The following TTC34 variants were observed in gnomAD, a reference collection of about 807,000 sequenced individuals.
The protein encoded by TTC34 is tetratricopeptide repeat protein 34.
TTC34 carries 44 observed loss-of-function variants against 40.7 expected under a neutral mutation model. The observed-to-expected ratio is 1.08, with a 90% CI of 0.85 to 1.39. The LOEUF is 1.39. Ranked by LOEUF, TTC34 falls within the 40% of genes most tolerant of loss-of-function variation. The pLI is 0.00. For missense variants in TTC34, 884 were observed against 838.0 expected (o/e 1.05, Z -0.68); for synonymous variants, 422 against 398.6 (o/e 1.06, Z -0.70).
intron 6 of TTC34, among the ~76,000 whole-genome samples, chr1:2,753,076 C>A (rs1641378523): frequency 1.3e-5 from 2 of 149,270 alleles, no homozygotes; most frequent in Admixed American, 6.7e-5. Context: ...CATCTGACAG[C>A]CTGGAACGGC....
At chr1:2,688,358 C>A (rs542619445) in intron 6 of TTC34, among the ~76,000 whole-genome samples, 3 of 149,564 alleles carry the variant, frequency 2.0e-5, no homozygotes, top group Non-Finnish European at 3.0e-5. Context: ...CAGCCTGGAG[C>A]AGCACCCACA....
At chr1:2,694,970 C>T (rs1209185310) in intron 6 of TTC34, among the ~76,000 whole-genome samples, 21 of 126,820 alleles carry the variant, frequency 1.7e-4, no homozygotes, top group Admixed American at 6.5e-4. Context: ...GAGCATCTGA[C>T]AGCCTGGAGC....
intron 6 of TTC34, among the ~76,000 whole-genome samples, chr1:2,683,154 C>A (rs1416259016): frequency 1.4e-5 from 2 of 139,064 alleles, no homozygotes; most frequent in South Asian, 2.3e-4. Context: ...CGCACAGCCC[C>A]AGGAGAGCAT....
At chr1:2,785,896 G>A (rs1250430165) in exon 5 of TTC34, 41 of 1,538,122 alleles carry the variant, frequency 2.7e-5, no homozygotes, top group Non-Finnish European at 3.4e-5. Flanking sequence ...GCCTGGCCGT[G>A]CCCGCAGGAT....
exon 3 of TTC34, chr1:2,789,604 C>T: frequency 7.2e-7 from 1 of 1,395,458 alleles, no homozygotes; most frequent in East Asian, 3.1e-5. Context: ...CACGGGCCTC[C>T]TCCCGCAGCA....
chr1:2,764,382 C>A (rs1336033777), intron 6 of TTC34, among the ~76,000 whole-genome samples: 6 of 144,724 alleles, frequency 4.1e-5, no homozygotes, highest in African/African-American at 1.3e-4. Flanking sequence ...GTGCCCACAC[C>A]CCCGGGCGAG....
chr1:2,761,290 G>A (rs1197636377), intron 6 of TTC34, among the ~76,000 whole-genome samples: 1 of 75,114 alleles, frequency 1.3e-5, no homozygotes, highest in Non-Finnish European at 2.3e-5. Flanking sequence ...ACTCCCGCAG[G>A]TGAGCATCCG....
At chr1:2,685,991 C>T (rs1288202259) in intron 6 of TTC34, among the ~76,000 whole-genome samples, 1 of 113,272 alleles carries the variant, frequency 8.8e-6, no homozygotes, top group African/African-American at 3.7e-5. Flanking sequence ...CATGTATCAG[C>T]ACCCACACCC....
intron 7 of TTC34, among the ~76,000 whole-genome samples, 191 bp from the exon 8 acceptor site, chr1:2,644,669 G>T (rs1323661751): frequency 1.3e-5 from 2 of 152,184 alleles, no homozygotes; most frequent in Non-Finnish European, 2.9e-5. Context: ...ACTCACCTCT[G>T]ACCCCACTCC....
At chr1:2,642,847 C>G (rs1487461004) in intron 8 of TTC34, among the ~76,000 whole-genome samples, 16 of 152,200 alleles carry the variant, frequency 1.1e-4, no homozygotes, top group Admixed American at 1.0e-3. Context: ...GGGGGTCCCA[C>G]GGCCCCGGCT....
intron 6 of TTC34, among the ~76,000 whole-genome samples, chr1:2,651,682 C>A (rs554993287): frequency 5.8e-4 from 88 of 152,136 alleles, no homozygotes; most frequent in African/African-American, 2.0e-3. Context: ...CCCCCACACC[C>A]AGGTGAGCAT....
rs147185205 is a variant in TTC34, at chr1:2,787,689, T to C, written c.1646A>G (p.His549Arg). The change falls in exon 4 of 9, where the codon CAC becomes CGC. Residue 549 changes from histidine (H) to arginine (R), a missense_variant. Coordinates refer to ENST00000401095, the Ensembl canonical transcript of TTC34. ...CTCCATCAGCAGTGTGGCCAGCTGG[T>C]GCACGCCGCAGGCGACCCTGTGTGG... 1,589 of 1,546,056 alleles carry C rather than the reference T, an allele frequency of 1.0e-3. 30 individuals carry two copies. The East Asian group carries it at 0.031, about 30-fold the overall frequency.
chr1:2,653,599 GCACCCTA>G (rs1639228500), intron 6 of TTC34, among the ~76,000 whole-genome samples: 1 of 63,776 alleles, frequency 1.6e-5, no homozygotes, highest in African/African-American at 5.8e-5. Flanking sequence ...TCGTGGAGCA[GCACCCTA>G]CACCCACAAG....
At chr1:2,777,069 T>A (rs1237229207) in intron 6 of TTC34, among the ~76,000 whole-genome samples, 1 of 14,600 alleles carries the variant, frequency 6.8e-5, no homozygotes, top group African/African-American at 3.3e-4. Flanking sequence ...GCATCTGACA[T>A]CCTGGAACAG....
At chr1:2,779,795 A>G (rs144310741) in intron 6 of TTC34, among the ~76,000 whole-genome samples, 2,493 of 152,216 alleles carry the variant, frequency 0.016, 28 homozygotes, top group Admixed American at 0.025. Context: ...GGTGTGAGGC[A>G]TATCTCGTTG....
chr1:2,660,760 G>A (rs1203377315), intron 6 of TTC34, among the ~76,000 whole-genome samples: 1 of 132,764 alleles, frequency 7.5e-6, no homozygotes, highest in African/African-American at 3.0e-5. Flanking sequence ...ACCCACAGGT[G>A]AGCATCTGAC....
In TTC34 at chr1:2,784,530, C is replaced by T. The variant is rs1322492598; in HGVS notation, c.2060-755G>A. Among the ~76,000 whole-genome samples the T allele has an allele frequency of 5.3e-5, 8 of 152,204 alleles. No homozygotes were observed. The East Asian group carries it at 5.8e-4, about 11-fold the overall frequency. ...TCCAAGTAAAGGAGACTCCCTTTCC[C>T]GGTCTGCTCAGTAATGGGTGCCTTC... On this transcript the variant is annotated intron_variant, in intron 5 of 8. Transcript: ENST00000401095.
At chr1:2,783,440 C>T (rs886761088) in intron 6 of TTC34, among the ~76,000 whole-genome samples, 169 bp downstream of exon 6, 3 of 152,190 alleles carry the variant, frequency 2.0e-5, no homozygotes, top group Admixed American at 6.5e-5. Context: ...TGTGGGGACC[C>T]GGCTCCCATG....
intron 6 of TTC34, among the ~76,000 whole-genome samples, chr1:2,748,482 C>T (rs1641217642): frequency 6.6e-6 from 1 of 151,562 alleles, no homozygotes; most frequent in Non-Finnish European, 1.5e-5. Context: ...ACCCCACATC[C>T]CCGGGTGAGC....
Sources: gnomAD v4.1 joint callset for allele counts (sites outside exome capture counted in the v4.1 genomes callset) on GRCh38, gnomAD v4.1.1 for gene constraint, MANE v1.5 for transcripts, NCBI Gene and HGNC (gene_info 2026-07-23, HGNC 2026-07-21) for gene names.